Variants in APBB1IP observed in about 807,000 individuals in gnomAD.
APBB1IP encodes the protein amyloid beta A4 precursor protein-binding family B member 1-interacting protein.
In APBB1IP, 27 loss-of-function variants were observed where a neutral mutation model predicts 64.9. The observed-to-expected ratio is 0.42, with a 90% CI of 0.31 to 0.57. The LOEUF is 0.57. Ranked by LOEUF, APBB1IP falls within the 20% of genes least tolerant of loss-of-function variation. APBB1IP has a pLI of 0.20. For missense variants in APBB1IP, 812 were observed against 845.5 expected, an observed-to-expected ratio of 0.96 and a Z score of 0.49; for synonymous variants, 392 against 331.0, an observed-to-expected ratio of 1.18 and a Z score of -2.00.
intron 11 of APBB1IP, among the ~76,000 whole-genome samples, chr10:26,555,544 C>T (rs768141391): frequency 1.3e-5 from 2 of 152,184 alleles, no homozygotes; most frequent in Non-Finnish European, 2.9e-5. Flanking sequence ...CTCCCTAAAA[C>T]ACCTCCAGGG....
chr10:26,479,854 C>T (rs1835815311), intron 2 of APBB1IP, among the ~76,000 whole-genome samples: 1 of 152,186 alleles, frequency 6.6e-6, no homozygotes, highest in South Asian at 2.1e-4. Context: ...TGCTTGACAG[C>T]TCTAGATGGT....
intron 6 of APBB1IP, among the ~76,000 whole-genome samples, chr10:26,507,541 G>C (rs1482454752): frequency 6.6e-6 from 1 of 152,154 alleles, no homozygotes; most frequent in Non-Finnish European, 1.5e-5. Context: ...TGTAGAAAAT[G>C]GATTGTAGGG....
chr10:26,492,376 G>A lies in APBB1IP; in HGVS notation c.50G>A (p.Gly17Glu). The part of the protein sequence containing the change: ...DIDQMFSTLL[G>E]EMDLLTQSLG... Reference sequence around the variant, plus strand: ...GACCAAATGTTCAGCACTTTGCTGGGAGAGATGGATCTTCTGACTCAGGTA... The same window carrying A: ...GACCAAATGTTCAGCACTTTGCTGGAAGAGATGGATCTTCTGACTCAGGTA... Residue 17 changes from glycine to glutamate, a missense_variant, in exon 3 of 15, where the codon GGA (glycine) becomes GAA (glutamate). By Grantham distance (98) the Gly-to-Glu change is moderately conservative. Transcript: ENST00000376236. 3.7e-6 allele frequency: 6 copies of A among 1,614,040 alleles called. No homozygotes were observed. The highest frequency in any genetic ancestry group is 5.1e-6 in the Non-Finnish European group (6 of 1,179,958).
intron 8 of APBB1IP, among the ~76,000 whole-genome samples, chr10:26,522,223 C>T (rs787064): frequency 0.24 from 35,799 of 151,824 alleles, 4,389 homozygotes; most frequent in East Asian, 0.37. Flanking sequence ...ACTTTCTTTT[C>T]AGAACAGTTA....
At chr10:26,517,949 T>C (rs139262014) in intron 8 of APBB1IP, among the ~76,000 whole-genome samples, 1 of 152,304 alleles carries the variant, frequency 6.6e-6, no homozygotes, top group African/African-American at 2.4e-5. Context: ...TGCTTAGTTT[T>C]ATTTTTTATT....
intron 2 of APBB1IP, among the ~76,000 whole-genome samples, chr10:26,478,882 AT>A (rs1214681088): frequency 6.6e-6 from 1 of 151,984 alleles, no homozygotes; most frequent in Non-Finnish European, 1.5e-5. Flanking sequence ...AAAAGAAGGG[AT>A]TTTTTTCTAC....
intron 8 of APBB1IP, among the ~76,000 whole-genome samples, chr10:26,530,518 C>T (rs1329011587): frequency 6.6e-6 from 1 of 151,884 alleles, no homozygotes; most frequent in Non-Finnish European, 1.5e-5. Flanking sequence ...GGTGAAACCC[C>T]GTCTCTACTA....
intron 2 of APBB1IP, among the ~76,000 whole-genome samples, chr10:26,457,709 C>G (rs1273488904): frequency 1.3e-5 from 2 of 152,152 alleles, no homozygotes; most frequent in Admixed American, 6.5e-5. Flanking sequence ...TGGAAATGCT[C>G]TCTATGCAAT....
intron 2 of APBB1IP, among the ~76,000 whole-genome samples, chr10:26,462,041 A>G (rs1456312599): frequency 6.6e-6 from 1 of 152,212 alleles, no homozygotes; most frequent in East Asian, 1.9e-4. Flanking sequence ...TCTGCAGGCC[A>G]AATCCACGTG....
At chr10:26,441,139 T>C (rs1450427186) in intron 2 of APBB1IP, among the ~76,000 whole-genome samples, 1 of 152,158 alleles carries the variant, frequency 6.6e-6, no homozygotes, top group Non-Finnish European at 1.5e-5. Context: ...AGTATGAAAA[T>C]GAATGTGTGT....
chr10:26,454,541 G>A (rs559137318), intron 2 of APBB1IP, among the ~76,000 whole-genome samples: 1 of 129,158 alleles, frequency 7.7e-6, no homozygotes, highest in South Asian at 2.6e-4. Context: ...CATGGAGGTA[G>A]AGAGTAGAAG....
chr10:26,480,025 A>G (rs1276226081), intron 2 of APBB1IP, among the ~76,000 whole-genome samples: 1 of 152,182 alleles, frequency 6.6e-6, no homozygotes, highest in East Asian at 1.9e-4. Context: ...AGGACCACAG[A>G]ACCATCAGTT....
intron 11 of APBB1IP, among the ~76,000 whole-genome samples, chr10:26,555,887 CG>C (rs1335547962): frequency 2.0e-5 from 3 of 152,210 alleles, no homozygotes; most frequent in African/African-American, 7.2e-5. Context: ...GTGTGAGCCA[CG>C]GGGCCCTGCC....
intron 8 of APBB1IP, among the ~76,000 whole-genome samples, chr10:26,532,259 A>C (rs542823228): frequency 6.6e-6 from 1 of 152,234 alleles, no homozygotes; most frequent in Admixed American, 6.5e-5. Context: ...AATCCTCAGC[A>C]CTCTATGACA....
At chr10:26,544,908 C>T in intron 11 of APBB1IP, among the ~76,000 whole-genome samples, 1 of 152,194 alleles carries the variant, frequency 6.6e-6, no homozygotes, top group African/African-American at 2.4e-5. Flanking sequence ...AGTTGAGGAT[C>T]TCCCCAAAGG....
chr10:26,455,517 A>C (rs945597268), intron 2 of APBB1IP, among the ~76,000 whole-genome samples: 5 of 151,310 alleles, frequency 3.3e-5, no homozygotes, highest in Admixed American at 2.0e-4. Flanking sequence ...GACAGAACAA[A>C]AAAAAAAAAG....
chr10:26,511,963 T>C (rs1463158850), intron 7 of APBB1IP, 57 bp downstream of exon 7: 40 of 1,579,062 alleles, frequency 2.5e-5, no homozygotes, highest in East Asian at 4.5e-5. Context: ...GTTTGCTGTA[T>C]AATGGGCTTG....
chr10:26,500,648 G>A (rs1836085158), intron 4 of APBB1IP, among the ~76,000 whole-genome samples, 171 bp from the exon 5 acceptor site: 1 of 152,092 alleles, frequency 6.6e-6, no homozygotes, highest in Admixed American at 6.6e-5. Context: ...AGTTCTTTTA[G>A]GAATTCCTAC....
chr10:26,446,614 C>T (rs950827743), intron 2 of APBB1IP, among the ~76,000 whole-genome samples: 1 of 152,184 alleles, frequency 6.6e-6, no homozygotes, highest in African/African-American at 2.4e-5. Flanking sequence ...AGACTCTGCT[C>T]AATGTAATAT....
Sources: allele counts gnomAD v4.1 joint callset (sites outside exome capture counted in the v4.1 genomes callset), GRCh38; gene constraint gnomAD v4.1.1; transcripts MANE v1.5; gene names NCBI Gene and HGNC (gene_info 2026-07-23, HGNC 2026-07-21).